Variants in SEMA3D observed in about 807,000 individuals in gnomAD.
SEMA3D encodes the protein semaphorin 3D, also known as semaphorin-3D.
In SEMA3D, 84 loss-of-function variants were observed where a neutral mutation model predicts 100.1. The observed-to-expected ratio is 0.84, with a 90% CI of 0.70 to 1.01. The LOEUF is 1.01. SEMA3D is among the 50% of genes least tolerant of loss of function. SEMA3D has a pLI of 0.00. For synonymous variants in SEMA3D, 312 were observed against 320.7 expected (o/e 0.97, Z 0.29); for missense variants, 875 against 934.1 (o/e 0.94, Z 0.82).
chr7:85,046,461 C>T (rs137887843), intron 9 of SEMA3D, among the ~76,000 whole-genome samples: 2 of 151,892 alleles, frequency 1.3e-5, no homozygotes, highest in African/African-American at 4.8e-5. Flanking sequence ...CCTTCTCTAG[C>T]CCCTCAGGAA....
At chr7:85,087,447 G>A (rs908396854) in intron 4 of SEMA3D, among the ~76,000 whole-genome samples, 3 of 152,136 alleles carry the variant, frequency 2.0e-5, no homozygotes, top group Non-Finnish European at 2.9e-5. Context: ...GGAGACATCA[G>A]AAATCAAACG....
chr7:85,133,253 T>C (rs1789776980), intron 2 of SEMA3D, among the ~76,000 whole-genome samples: 1 of 152,006 alleles, frequency 6.6e-6, no homozygotes, highest in South Asian at 2.1e-4. Flanking sequence ...TATCAGTTTC[T>C]GAGCTGTGTT....
chr7:85,105,875 T>C (rs1219513275), intron 3 of SEMA3D, among the ~76,000 whole-genome samples: 2 of 152,026 alleles, frequency 1.3e-5, no homozygotes, highest in Admixed American at 1.3e-4. Flanking sequence ...CAAGACAGGT[T>C]GTGGAGTAGG....
the SEMA3D span, among the ~76,000 whole-genome samples, chr7:85,240,997 T>C: frequency 6.6e-6 from 1 of 151,892 alleles, no homozygotes; most frequent in Non-Finnish European, 1.5e-5. Flanking sequence ...CATCAAATAG[T>C]GTGCTAAGAA....
At chr7:85,061,082 A>G (rs1791465112) in intron 8 of SEMA3D, among the ~76,000 whole-genome samples, 1 of 152,200 alleles carries the variant, frequency 6.6e-6, no homozygotes, top group Non-Finnish European at 1.5e-5. Flanking sequence ...GATTAAGTTG[A>G]TAAATCAAAG....
At chr7:85,040,509 C>T (rs1459768886) in intron 11 of SEMA3D, among the ~76,000 whole-genome samples, 164 bp downstream of exon 11, 1 of 151,832 alleles carries the variant, frequency 6.6e-6, no homozygotes. Context: ...ATTTTTTACA[C>T]TGATATTAAA....
At chr7:85,014,798 T>C (rs1446998106) in intron 16 of SEMA3D, among the ~76,000 whole-genome samples, 1 of 151,750 alleles carries the variant, frequency 6.6e-6, no homozygotes, top group Admixed American at 6.6e-5. Context: ...GTGCTTGACA[T>C]AAATGAAAGA....
At chr7:85,174,625 G>C (rs1391298807) in intron 1 of SEMA3D, among the ~76,000 whole-genome samples, 1 of 152,100 alleles carries the variant, frequency 6.6e-6, no homozygotes, top group Non-Finnish European at 1.5e-5. Context: ...ACAATCTTGT[G>C]GCACTAGAAG....
At position 85,106,658 on chromosome 7, in the gene SEMA3D, C is replaced by T. The variant is rs1021660746; in HGVS notation, c.152-8693G>A. On this transcript the variant is annotated intron_variant, in intron 3 of 18. Coordinates refer to ENST00000284136, the MANE Select transcript of SEMA3D (RefSeq NM_001384900.1). ...CCATCTGTAGTAGTCTGTCCTCAAA[C>T]TGCTGTGAAGAAATACCCGAGTCTG... Among the ~76,000 whole-genome samples, 2 of 152,056 alleles carry T rather than the reference C, an allele frequency of 1.3e-5. 1 individual carries two copies. Among genetic ancestry groups the T allele is most frequent in the South Asian group, 4.1e-4 (2 of 4,822 alleles).
chr7:85,003,834 T>G (rs1789722032), intron 18 of SEMA3D, among the ~76,000 whole-genome samples: 1 of 152,088 alleles, frequency 6.6e-6, no homozygotes, highest in Admixed American at 6.6e-5. Flanking sequence ...CTGATAAAGA[T>G]TTTCTTAAAT....
intron 2 of SEMA3D, among the ~76,000 whole-genome samples, chr7:85,135,796 AT>A (rs1223600227): frequency 2.7e-5 from 4 of 145,764 alleles, no homozygotes; most frequent in African/African-American, 5.1e-5. Flanking sequence ...AAAAAAAAAA[AT>A]TATAATAAGA....
At chr7:85,226,675 G>C in the SEMA3D span, among the ~76,000 whole-genome samples, 1 of 151,592 alleles carries the variant, frequency 6.6e-6, no homozygotes. Flanking sequence ...TGAAAAGTAA[G>C]ATGAGGATTT....
At chr7:85,165,900 G>C (rs1790891105) in intron 1 of SEMA3D, among the ~76,000 whole-genome samples, 1 of 151,978 alleles carries the variant, frequency 6.6e-6, no homozygotes, top group Non-Finnish European at 1.5e-5. Flanking sequence ...ATTCAGAGAA[G>C]ATGCTAAAAA....
At chr7:85,071,973 T>C (rs1490754643) in intron 6 of SEMA3D, among the ~76,000 whole-genome samples, 1 of 152,200 alleles carries the variant, frequency 6.6e-6, no homozygotes, top group African/African-American at 2.4e-5. Flanking sequence ...ACTGCCTTGA[T>C]TCAATTTGTT....
the SEMA3D span, among the ~76,000 whole-genome samples, chr7:85,211,152 C>A: frequency 6.6e-6 from 1 of 151,940 alleles, no homozygotes; most frequent in Non-Finnish European, 1.5e-5. Flanking sequence ...GATGAATGGG[C>A]TTAAATGCAA....
chr7:85,001,812 C>A (rs759362747), intron 18 of SEMA3D, among the ~76,000 whole-genome samples: 3 of 152,040 alleles, frequency 2.0e-5, no homozygotes, highest in African/African-American at 7.2e-5. Flanking sequence ...TATTTTGAAG[C>A]CTTTATTACT....
At chr7:85,167,326 T>C in intron 1 of SEMA3D, 1 of 982,400 alleles carries the variant, frequency 1.0e-6, no homozygotes, top group Non-Finnish European at 1.2e-6. Context: ...TCAAGGGTGG[T>C]GATGTTCTCA....
At chr7:85,115,069 A>G (rs2116379302) in intron 3 of SEMA3D, among the ~76,000 whole-genome samples, 1 of 152,330 alleles carries the variant, frequency 6.6e-6, no homozygotes, top group African/African-American at 2.4e-5. Context: ...ATCTTCTTCA[A>G]CTTCATTTAA....
At chr7:85,240,514 T>C in the SEMA3D span, among the ~76,000 whole-genome samples, 2 of 152,114 alleles carry the variant, frequency 1.3e-5, no homozygotes. Context: ...TACAATGAGT[T>C]TGGAAGTATT....
Sources: allele counts gnomAD v4.1 joint callset (sites outside exome capture counted in the v4.1 genomes callset), GRCh38; gene constraint gnomAD v4.1.1; transcripts MANE v1.5; gene names NCBI Gene and HGNC (gene_info 2026-07-23, HGNC 2026-07-21).